The following CADM2 variants were observed in gnomAD, a reference collection of about 807,000 sequenced individuals.
The protein encoded by CADM2 is cell adhesion molecule 2.
A neutral mutation model predicts 49.8 loss-of-function variants in CADM2; 12 were observed. That is an observed-to-expected ratio of 0.24 (90% CI 0.15 to 0.39). CADM2 has a LOEUF of 0.39. Ranked by LOEUF, CADM2 falls within the 10% of genes least tolerant of loss-of-function variation. The pLI is 1.00. For missense variants in CADM2, 378 were observed against 492.3 expected (o/e 0.77, Z 2.20); for synonymous variants, 214 against 175.4 (o/e 1.22, Z -1.74).
At chr3:85,241,244 TG>T (rs2042523291) in intron 1 of CADM2, among the ~76,000 whole-genome samples, 1 of 151,382 alleles carries the variant, frequency 6.6e-6, no homozygotes, top group Admixed American at 6.6e-5. Context: ...GTCTAGTGCT[TG>T]AAAAATAAGA....
chr3:86,029,532 G>T (rs1349739076), intron 8 of CADM2, among the ~76,000 whole-genome samples: 1 of 151,914 alleles, frequency 6.6e-6, no homozygotes, highest in East Asian at 1.9e-4. Context: ...TATTTAAACA[G>T]TGATTTGCAT....
At chr3:85,122,765 T>C (rs900811357) in intron 1 of CADM2, among the ~76,000 whole-genome samples, 3 of 152,082 alleles carry the variant, frequency 2.0e-5, no homozygotes, top group Non-Finnish European at 4.4e-5. Context: ...TCCCTGATAG[T>C]ATCACCTAGA....
intron 1 of CADM2, among the ~76,000 whole-genome samples, chr3:85,494,375 G>A (rs567165790): frequency 3.6e-4 from 54 of 152,058 alleles, no homozygotes; most frequent in Non-Finnish European, 6.3e-4. Flanking sequence ...AAGTTTATAC[G>A]AAAACTATTA....
At chr3:85,314,675 A>G (rs573889349) in intron 1 of CADM2, among the ~76,000 whole-genome samples, 8 of 152,252 alleles carry the variant, frequency 5.3e-5, no homozygotes, top group African/African-American at 1.9e-4. Context: ...TTTTATTTTC[A>G]GTAAACTTGT....
chr3:85,033,071 T>C lies in CADM2; in HGVS notation c.61+73403T>C, dbSNP rs553813884. 5.3e-5 allele frequency among the ~76,000 whole-genome samples: 8 copies of C among 152,252 alleles called. No homozygotes were observed. In the East Asian group the frequency reaches 1.5e-3, roughly 29 times the overall value. ...AAAATTACAGATAAAAAAACATAGC[T>C]GATGTTTTGCTTTCGTTTTTAATTA... On this transcript the variant is annotated intron_variant, in intron 1 of 9. Transcript: ENST00000383699.
At chr3:85,122,528 T>C (rs2038901959) in intron 1 of CADM2, among the ~76,000 whole-genome samples, 1 of 152,162 alleles carries the variant, frequency 6.6e-6, no homozygotes, top group South Asian at 2.1e-4. Context: ...TCTTTATTTC[T>C]CTTTGCTTTC....
chr3:85,584,029 A>G (rs921005714), intron 1 of CADM2, among the ~76,000 whole-genome samples: 4 of 152,006 alleles, frequency 2.6e-5, no homozygotes, highest in Non-Finnish European at 5.9e-5. Context: ...TCTACCCTTT[A>G]TTTATAATGC....
At position 84,967,429 on chromosome 3, in the gene CADM2, A is replaced by T. The variant is rs1381776487; in HGVS notation, c.61+7761A>T. Among the ~76,000 whole-genome samples, 8 of 152,258 alleles carry T rather than the reference A, an allele frequency of 5.3e-5. No individual in the cohort carries two copies. In the East Asian group the frequency reaches 9.6e-4, roughly 18 times the overall value. On this transcript the variant is annotated intron_variant, in intron 1 of 9. Coordinates refer to ENST00000383699, the MANE Select transcript of CADM2 (RefSeq NM_001167675.2). ...ACTTCCGTTCATTCTGATACCTTTTACATCTCTTGTTTTTCAATCTGGAGT... is the reference window on the plus strand; with the variant it reads ...ACTTCCGTTCATTCTGATACCTTTTTCATCTCTTGTTTTTCAATCTGGAGT...
At chr3:85,178,393 T>C (rs1477210571) in intron 1 of CADM2, among the ~76,000 whole-genome samples, 3 of 151,916 alleles carry the variant, frequency 2.0e-5, no homozygotes, top group Non-Finnish European at 4.4e-5. Context: ...GAATAAGCTT[T>C]AGATTATTAA....
intron 3 of CADM2, among the ~76,000 whole-genome samples, chr3:85,814,998 G>T (rs2073125194): frequency 6.6e-6 from 1 of 151,990 alleles, no homozygotes; most frequent in Non-Finnish European, 1.5e-5. Flanking sequence ...AAACCTAGGA[G>T]AAATCGATAA....
intron 1 of CADM2, among the ~76,000 whole-genome samples, chr3:85,478,702 A>C (rs2039084094): frequency 6.6e-6 from 1 of 151,914 alleles, no homozygotes; most frequent in Non-Finnish European, 1.5e-5. Flanking sequence ...AATGCCTTGA[A>C]ATTACATTGA....
At chr3:85,002,310 T>C (rs1022083822) in intron 1 of CADM2, among the ~76,000 whole-genome samples, 1 of 152,128 alleles carries the variant, frequency 6.6e-6, no homozygotes, top group African/African-American at 2.4e-5. Context: ...TGCCCCTTGG[T>C]GTTTTCCAAG....
intron 1 of CADM2, among the ~76,000 whole-genome samples, chr3:85,544,257 G>A (rs1361371035): frequency 1.3e-5 from 2 of 152,112 alleles, no homozygotes; most frequent in African/African-American, 2.4e-5. Context: ...GGCCCATTGA[G>A]CTAGCTTAAA....
intron 1 of CADM2, among the ~76,000 whole-genome samples, chr3:85,318,756 A>T (rs1318630272): frequency 1.3e-5 from 2 of 152,156 alleles, no homozygotes; most frequent in African/African-American, 4.8e-5. Context: ...TAATGAAATG[A>T]TATTGAGTTG....
chr3:86,019,457 A>G (rs1341520963), intron 8 of CADM2, among the ~76,000 whole-genome samples: 1 of 151,124 alleles, frequency 6.6e-6, no homozygotes, highest in Non-Finnish European at 1.5e-5. Context: ...GAATCTGTAA[A>G]TTATCTTGGG....
At chr3:85,236,919 G>A (rs775001281) in intron 1 of CADM2, among the ~76,000 whole-genome samples, 10 of 152,164 alleles carry the variant, frequency 6.6e-5, no homozygotes, top group Non-Finnish European at 1.5e-4. Flanking sequence ...GATTAAAACT[G>A]TATACCAGAC....
intron 1 of CADM2, among the ~76,000 whole-genome samples, chr3:85,024,110 G>A (rs2034621503): frequency 6.6e-6 from 1 of 152,032 alleles, no homozygotes; most frequent in South Asian, 2.1e-4. Context: ...TACAGAACTG[G>A]AGTGCTCTAT....
chr3:85,552,358 T>C (rs1207336198), intron 1 of CADM2, among the ~76,000 whole-genome samples: 2 of 142,428 alleles, frequency 1.4e-5, no homozygotes, highest in African/African-American at 2.5e-5. Context: ...ATTAAATCAC[T>C]TTGAAAAGTT....
intron 1 of CADM2, among the ~76,000 whole-genome samples, chr3:85,266,930 T>C (rs2043133609): frequency 6.6e-6 from 1 of 151,978 alleles, no homozygotes; most frequent in South Asian, 2.1e-4. Flanking sequence ...ACTCTAATTA[T>C]GTTGAGAAAT....
Sources: allele counts gnomAD v4.1 joint callset (sites outside exome capture counted in the v4.1 genomes callset), GRCh38; gene constraint gnomAD v4.1.1; transcripts MANE v1.5; gene names NCBI Gene and HGNC (gene_info 2026-07-23, HGNC 2026-07-21).